THUMPD1: variants seen among roughly 807,000 people sequenced by gnomAD.
THUMPD1 encodes THUMP domain-containing protein 1.
In THUMPD1, 31 loss-of-function variants were observed where a neutral mutation model predicts 31.6. That is an observed-to-expected ratio of 0.98 (90% CI 0.74 to 1.32). The LOEUF (loss-of-function observed/expected upper bound fraction) is 1.32. THUMPD1 is among the 40% of genes most tolerant of loss of function. THUMPD1 has a pLI of 0.00. For missense variants in THUMPD1, 446 were observed against 427.8 expected, an observed-to-expected ratio of 1.04 and a Z score of -0.38; for synonymous variants, 166 against 158.2, an observed-to-expected ratio of 1.05 and a Z score of -0.37.
intron 1 of THUMPD1, 26 bp downstream of exon 1, chr16:20,741,481 GCC>G: frequency 7.6e-7 from 1 of 1,308,410 alleles, no homozygotes; most frequent in Non-Finnish European, 9.9e-7. Context: ...CTGGCAGCCG[GCC>G]CGCCCGCCCA....
In THUMPD1 at chr16:20,736,363, A is replaced by G. The variant is rs2079868708; in HGVS notation, c.*517T>C. ...ATTGCGACACTGGACTGTCAGCTAT[A>G]TTACACACAAATGTTAAAAAAAAAA... On this transcript the variant is annotated 3_prime_UTR_variant, in exon 4 of 4. Transcript: ENST00000396083. 7.0e-6 allele frequency: 1 copy of G among 143,732 alleles called. No homozygotes were observed. Among genetic ancestry groups the G allele is most frequent in the African/African-American group, 2.6e-5 (1 of 38,990 alleles). 8.9% of individuals were successfully genotyped at this position (143,732 alleles called of 1,614,324 possible).
rs2079870014 is a variant in THUMPD1, at chr16:20,736,426, CA to C, written c.*453del. On this transcript the variant is annotated 3_prime_UTR_variant, in exon 4 of 4. Coordinates refer to ENST00000396083, the MANE Select transcript of THUMPD1 (RefSeq NM_017736.5). ...CATAAACAAGAAAATCACAAAAGTA[CA>C]AAAACTTCACTAAACAATTCACTTC... 1 of 136,082 alleles carries C rather than the reference CA, an allele frequency of 7.3e-6. No homozygotes were observed. The highest frequency in any genetic ancestry group is 2.7e-5 in the African/African-American group (1 of 37,208). The allele number at this position is 136,082 out of a possible 1,614,324, so 8.4% of individuals were successfully genotyped here.
intron 3 of THUMPD1, 145 bp from the exon 4 acceptor site, chr16:20,737,431 T>C: frequency 2.2e-6 from 2 of 889,644 alleles, no homozygotes; most frequent in Non-Finnish European, 3.2e-6. Context: ...TCTGAACCCT[T>C]ACAATAAATA....
chr16:20,740,958 A>G (rs1447607875), intron 1 of THUMPD1, among the ~76,000 whole-genome samples: 19 of 152,280 alleles, frequency 1.2e-4, no homozygotes, highest in Non-Finnish European at 4.4e-5. Context: ...CTGGCCCTCA[A>G]TGAGCAATCC....
In THUMPD1 at chr16:20,737,168, C is replaced by G. The variant is rs1393593610; in HGVS notation, c.774G>C (p.Leu258Phe). Residue 258 changes from leucine (L) to phenylalanine (F), a missense_variant, in exon 4 of 4, where the codon TTG (leucine) becomes TTC (phenylalanine). Coordinates refer to ENST00000396083, the MANE Select transcript of THUMPD1 (RefSeq NM_017736.5). ...CCLSVVKDYM[L>F]FRKYNLQEVV... ...CCTCCTGGAGATTGTATTTTCTAAA[C>G]AACATGTAATCTTTCACAACACTCA... 6.2e-7 allele frequency: 1 copy of G among 1,614,188 alleles called. No homozygotes were observed. Among genetic ancestry groups the G allele is most frequent in the Non-Finnish European group, 8.5e-7 (1 of 1,180,032 alleles).
Position 20,737,039 on chromosome 16 carries a change from T to C in THUMPD1, c.903A>G (p.Ala301=), listed in dbSNP as rs2079875791. ...GTACCTGCTGGTTATTTTTTCCTTC[T>C]GCTGTGTTGTTTTGGTCTGATTTGT... ...SADKSDQNNT[A]EGKNNQQVPE... The change falls in exon 4 of 4, where the codon GCA becomes GCG. Residue 301 remains alanine, a synonymous_variant. Coordinates refer to ENST00000396083, the MANE Select transcript of THUMPD1 (RefSeq NM_017736.5). 6.2e-7 allele frequency: 1 copy of C among 1,614,114 alleles called. No homozygotes were observed.
At chr16:20,738,839 A>G in intron 2 of THUMPD1, 58 bp downstream of exon 2, 1 of 1,578,816 alleles carries the variant, frequency 6.3e-7, no homozygotes, top group Non-Finnish European at 8.6e-7. Flanking sequence ...GTATTCCCTG[A>G]GACAGGAAGA....
intron 1 of THUMPD1, among the ~76,000 whole-genome samples, chr16:20,740,913 A>G (rs930926626): frequency 6.6e-6 from 1 of 152,218 alleles, no homozygotes; most frequent in African/African-American, 2.4e-5. Context: ...GGCTGTCATG[A>G]AAAATGTGTT....
intron 3 of THUMPD1, 50 bp downstream of exon 3, chr16:20,737,658 A>G (rs2079882010): frequency 1.3e-6 from 2 of 1,536,452 alleles, no homozygotes; most frequent in Non-Finnish European, 8.7e-7. Flanking sequence ...TCCTTAAAAA[A>G]CAAGTATTTA....
In THUMPD1 at chr16:20,741,688, C is replaced by T. The variant is rs1470755438; in HGVS notation, c.52G>A (p.Gly18Ser). 1.3e-6 allele frequency: 2 copies of T among 1,581,516 alleles called. No individual in the cohort carries two copies. The highest frequency in any genetic ancestry group is 1.8e-5 in the Admixed American group (1 of 54,758). ...TTQPGGGKRK[G>S]KAQYVLAKRA... ...TTGGCCAGCACATACTGAGCCTTGC[C>T]TTTGCGCTTCCCGCCGCCAGGCTGA... Residue 18 changes from glycine to serine, a missense_variant, in exon 1 of 4, where the codon GGC becomes AGC. Transcript: ENST00000396083.
intron 2 of THUMPD1, chr16:20,738,372 G>C (rs2079889510): frequency 8.1e-6 from 3 of 370,652 alleles, no homozygotes; most frequent in South Asian, 4.1e-5. Flanking sequence ...CATTAGCTAA[G>C]TTAGCACACA....
chr16:20,737,252 C>T lies in THUMPD1; in HGVS notation c.690G>A (p.Val230=), dbSNP rs2079878590. 2 of 1,613,588 alleles carry T rather than the reference C, an allele frequency of 1.2e-6. No homozygotes were observed. The highest frequency in any genetic ancestry group is 1.7e-6 in the Non-Finnish European group (2 of 1,179,726). ...IVCTLNSENK[V]DLTNPQYTVV... ...CTGTGTACTGTGGATTGGTGAGATC[C>T]ACTTTATTTTCTGAATTGAGGGTGC... is the stretch of plus-strand genomic sequence containing the variant. Residue 230 remains valine, a synonymous_variant, in exon 4 of 4, where the codon GTG becomes GTA. Coordinates refer to ENST00000396083, the MANE Select transcript of THUMPD1 (RefSeq NM_017736.5).
chr16:20,741,571 A>C lies in THUMPD1; in HGVS notation c.169T>G (p.Cys57Gly). ...AGGAGGCTGTAGGCCTCCTCCACGC[A>C]CTTGCGCTCGTTCATATTGCAGGTG... ...LITCNMNERKCVEEAYSLLNE... is the reference protein window; with the variant it reads ...LITCNMNERKGVEEAYSLLNE... Residue 57 changes from cysteine to glycine, a missense_variant, in exon 1 of 4, where the codon TGC (cysteine) becomes GGC (glycine). Cys to Gly is a radical substitution (Grantham distance 159). Transcript: ENST00000396083. 6.7e-7 allele frequency: 1 copy of C among 1,495,734 alleles called. No individual in the cohort carries two copies. Among genetic ancestry groups the C allele is most frequent in the Non-Finnish European group, 9.0e-7 (1 of 1,116,388 alleles). The allele number at this position is 1,495,734 out of a possible 1,614,324, so 92.7% of individuals were successfully genotyped here.
At chr16:20,737,480 T>C (rs1203638715) in intron 3 of THUMPD1, among the ~76,000 whole-genome samples, 194 bp from the exon 4 acceptor site, 1 of 152,240 alleles carries the variant, frequency 6.6e-6, no homozygotes, top group Non-Finnish European at 1.5e-5. Flanking sequence ...TAAGAATTTT[T>C]TTCCAAACAA....
chr16:20,737,337 G>A (rs2152417272), intron 3 of THUMPD1, 51 bp from the exon 4 acceptor site: 1 of 1,518,954 alleles, frequency 6.6e-7, no homozygotes, highest in African/African-American at 1.4e-5. Flanking sequence ...CATTACATCT[G>A]ATAGATACAA....
At chr16:20,739,986 G>GT (rs1205059781) in intron 1 of THUMPD1, among the ~76,000 whole-genome samples, 1 of 152,186 alleles carries the variant, frequency 6.6e-6, no homozygotes, top group Admixed American at 6.5e-5. Flanking sequence ...CGTTGACCAG[G>GT]TATCTGTGTG....
rs1394912947 is a variant in THUMPD1, at chr16:20,735,854, A to G, written c.*1026T>C. The G allele has an allele frequency of 6.6e-6, 1 of 152,322 alleles. No homozygotes were observed. The highest frequency in any genetic ancestry group is 2.4e-5 in the African/African-American group (1 of 41,550). The allele number at this position is 152,322 out of a possible 1,614,324, so 9.4% of individuals were successfully genotyped here. On this transcript the variant is annotated 3_prime_UTR_variant, in exon 4 of 4. Transcript: ENST00000396083. ...ATCAGTAAATCAACTTATTGAGAAT[A>G]AAGTCTCTTCAACTTTGTACTGCAT...
Position 20,737,725 on chromosome 16 carries a change from ACTT to A in THUMPD1, c.635_637del (p.Glu212del). The A allele has an allele frequency of 1.9e-6, 3 of 1,607,720 alleles. No homozygotes were observed. The highest frequency in any genetic ancestry group is 2.5e-6 in the Non-Finnish European group (3 of 1,176,808). On this transcript the variant is annotated inframe_deletion, in exon 3 of 4. Transcript: ENST00000396083. ...AAACATACCTGCCAATTCTCTGATA[ACTT>A]CTTCTCTATTCACATGACTGTTATT...
intron 1 of THUMPD1, 39 bp downstream of exon 1, chr16:20,741,470 C>T: frequency 2.8e-6 from 4 of 1,449,892 alleles, no homozygotes; most frequent in Non-Finnish European, 3.7e-6. Context: ...TCCCGCAAGG[C>T]CTGGCAGCCG....
Sources: allele counts gnomAD v4.1 joint callset (sites outside exome capture counted in the v4.1 genomes callset), GRCh38; gene constraint gnomAD v4.1.1; transcripts MANE v1.5; gene names NCBI Gene and HGNC (gene_info 2026-07-23, HGNC 2026-07-21).